Variants in PTPRZ1 observed in about 807,000 individuals in gnomAD.
PTPRZ1 encodes protein tyrosine phosphatase receptor type Z1.
In PTPRZ1, 82 loss-of-function variants were observed where a neutral mutation model predicts 214.1. The observed-to-expected ratio is 0.38, with a 90% CI of 0.32 to 0.46. The LOEUF (loss-of-function observed/expected upper bound fraction) is 0.46, where lower values mean the gene tolerates loss of function less well. PTPRZ1 is among the 20% of genes least tolerant of loss of function. The pLI, the probability that PTPRZ1 is intolerant of heterozygous loss-of-function variation, is 1.00. For missense variants in PTPRZ1, 2,603 were observed against 2,748.7 expected (o/e 0.95, Z 1.19); for synonymous variants, 945 against 987.9 (o/e 0.96, Z 0.81).
chr7:121,986,772 A>T (rs1201666637), intron 8 of PTPRZ1, among the ~76,000 whole-genome samples: 2 of 152,230 alleles, frequency 1.3e-5, no homozygotes, highest in Non-Finnish European at 2.9e-5. Flanking sequence ...AGACTCACTC[A>T]TTTAAATTGA....
At chr7:121,879,014 C>T (rs3823857) in intron 1 of PTPRZ1, among the ~76,000 whole-genome samples, 17,985 of 152,156 alleles carry the variant, frequency 0.12, 1,112 homozygotes, top group East Asian at 0.15. Context: ...TTTAATGTCA[C>T]TTCTGGTACG....
At chr7:122,032,205 A>T (rs1167547612) in intron 15 of PTPRZ1, 1 of 152,154 alleles carries the variant, frequency 6.6e-6, no homozygotes, top group Non-Finnish European at 1.5e-5. Flanking sequence ...GCACAAAGGT[A>T]ACAATAAAAA....
chr7:121,908,794 G>C (rs773889914), intron 1 of PTPRZ1: 2 of 490,774 alleles, frequency 4.1e-6, no homozygotes, highest in Non-Finnish European at 8.0e-6. Flanking sequence ...TCATCTTTCT[G>C]GGATAAATGT....
At chr7:121,917,725 TACAAGC>T (rs1295302925) in intron 1 of PTPRZ1, among the ~76,000 whole-genome samples, 1 of 152,062 alleles carries the variant, frequency 6.6e-6, no homozygotes, top group Non-Finnish European at 1.5e-5. Context: ...ATTGTGGAAA[TACAAGC>T]AAAGAGATGT....
In PTPRZ1 at chr7:122,044,408, C is replaced by A; in HGVS notation, c.5938-14C>A. 1 of 1,613,280 alleles carries A rather than the reference C, an allele frequency of 6.2e-7. No homozygotes were observed. Among genetic ancestry groups the A allele is most frequent in the South Asian group, 1.1e-5 (1 of 90,972 alleles). ...AACTTGAACTAATGTTGCTTATTGT[C>A]ATTGTTTTGCCAGGAGCAATATGTC... On this transcript the variant is annotated splice_polypyrimidine_tract_variant and intron_variant, in intron 22 of 29. Coordinates refer to ENST00000393386, the MANE Select transcript of PTPRZ1 (RefSeq NM_002851.3).
intron 1 of PTPRZ1, among the ~76,000 whole-genome samples, chr7:121,916,086 C>T (rs1232710055): frequency 2.6e-5 from 4 of 151,816 alleles, no homozygotes; most frequent in Non-Finnish European, 4.4e-5. Context: ...CCATCCTGGC[C>T]AACATGGTAA....
At chr7:122,030,908 A>T (rs1447853167) in intron 14 of PTPRZ1, among the ~76,000 whole-genome samples, 1 of 152,048 alleles carries the variant, frequency 6.6e-6, no homozygotes, top group Non-Finnish European at 1.5e-5. Context: ...ACAGATTAAA[A>T]GTCCCAAAGG....
intron 10 of PTPRZ1, among the ~76,000 whole-genome samples, chr7:122,001,098 T>C (rs186011415): frequency 6.6e-6 from 1 of 152,274 alleles, no homozygotes; most frequent in Admixed American, 6.5e-5. Context: ...TTGCTTACAT[T>C]ATTCTTTGTA....
chr7:122,019,377 C>T, intron 13 of PTPRZ1, 109 bp downstream of exon 13: 2 of 1,107,026 alleles, frequency 1.8e-6, no homozygotes, highest in Non-Finnish European at 2.6e-6. Context: ...TACCTGAGAG[C>T]TGCCATTAAT....
At chr7:121,911,794 A>G (rs1422261724) in intron 1 of PTPRZ1, among the ~76,000 whole-genome samples, 1 of 152,034 alleles carries the variant, frequency 6.6e-6, no homozygotes, top group Non-Finnish European at 1.5e-5. Flanking sequence ...ACACATATAT[A>G]TGAAATATGT....
chr7:121,879,735 T>C (rs1460014997), intron 1 of PTPRZ1, among the ~76,000 whole-genome samples: 2 of 152,092 alleles, frequency 1.3e-5, no homozygotes, highest in African/African-American at 2.4e-5. Flanking sequence ...TTTGTTAGGA[T>C]ATTTGCTTTA....
Position 122,059,870 on chromosome 7 carries a change from A to G in PTPRZ1, c.6789A>G (p.Pro2263=). Residue 2263 remains proline (P), a synonymous_variant, in exon 29 of 30, where the codon CCA becomes CCG. Coordinates refer to ENST00000393386, the MANE Select transcript of PTPRZ1 (RefSeq NM_002851.3). ...QVAKMINLMR[P]GVFADIEQYQ... is the part of the protein sequence containing the mutation. ...CCAAGATGATCAATCTGATGAGGCC[A>G]GGAGTCTTTGCTGACATTGTAAGTA... The G allele has an allele frequency of 6.2e-7, 1 of 1,610,952 alleles. No individual in the cohort carries two copies.
At chr7:121,976,979 T>C in intron 6 of PTPRZ1, 128 bp downstream of exon 6, 1 of 600,638 alleles carries the variant, frequency 1.7e-6, no homozygotes, top group East Asian at 3.1e-5. Flanking sequence ...GAGCAATCTC[T>C]CACTTTCCAC....
At chr7:121,927,416 A>G (rs1400755659) in intron 1 of PTPRZ1, among the ~76,000 whole-genome samples, 1 of 152,140 alleles carries the variant, frequency 6.6e-6, no homozygotes, top group African/African-American at 2.4e-5. Flanking sequence ...CTCCTGGCAA[A>G]ATTTTGAATT....
At chr7:122,059,459 A>T (rs1792492801) in intron 28 of PTPRZ1, 2 of 228,618 alleles carry the variant, frequency 8.7e-6, no homozygotes, top group Non-Finnish European at 1.6e-5. Flanking sequence ...ACATGTCTTT[A>T]TATGATACTC....
chr7:121,924,540 A>G (rs1795700771), intron 1 of PTPRZ1, among the ~76,000 whole-genome samples: 2 of 152,238 alleles, frequency 1.3e-5, no homozygotes, highest in Admixed American at 1.3e-4. Context: ...GTATTGAAAA[A>G]GCTTTCTTAA....
intron 2 of PTPRZ1, among the ~76,000 whole-genome samples, chr7:121,937,463 T>C (rs1299043202): frequency 6.6e-6 from 1 of 152,102 alleles, no homozygotes. Flanking sequence ...ACCCAGAGTG[T>C]TCCTCTTTCT....
intron 1 of PTPRZ1, among the ~76,000 whole-genome samples, chr7:121,924,447 A>T (rs1344747614): frequency 6.6e-6 from 1 of 152,186 alleles, no homozygotes; most frequent in African/African-American, 2.4e-5. Context: ...TAGCATATGA[A>T]TGTGTAACGG....
Position 121,976,767 on chromosome 7 carries a change from G to A in PTPRZ1, c.553-18G>A, listed in dbSNP as rs1365199864. 1.0e-5 allele frequency: 16 copies of A among 1,560,394 alleles called. No individual in the cohort carries two copies. In the African/African-American group the frequency reaches 1.4e-4, roughly 13 times the overall value. On this transcript the variant is annotated intron_variant, in intron 5 of 29. Coordinates refer to ENST00000393386, the MANE Select transcript of PTPRZ1 (RefSeq NM_002851.3). Reference sequence around the variant, plus strand: ...AAATGTTTTATTCTTTTTTTAGAATGTGATTCTTTTTTAACAGGTTGGGAC... The same window carrying A: ...AAATGTTTTATTCTTTTTTTAGAATATGATTCTTTTTTAACAGGTTGGGAC...
Sources: gnomAD v4.1 joint callset for allele counts (sites outside exome capture counted in the v4.1 genomes callset) on GRCh38, gnomAD v4.1.1 for gene constraint, MANE v1.5 for transcripts, NCBI Gene and HGNC (gene_info 2026-07-23, HGNC 2026-07-21) for gene names.